Variants in PLEKHA7 observed in about 807,000 individuals in gnomAD.
The protein encoded by PLEKHA7 is pleckstrin homology domain containing A7, also known as pleckstrin homology domain-containing family A member 7.
In PLEKHA7, 104 loss-of-function variants were observed where a neutral mutation model predicts 170.0. The ratio of observed to expected loss-of-function variants is 0.61; its 90% CI spans 0.52 to 0.72. The LOEUF is 0.72. Among genes scored for constraint, PLEKHA7 ranks in the 30% least tolerant of loss-of-function variants. PLEKHA7 has a pLI of 0.00. For synonymous variants in PLEKHA7, 648 were observed against 660.8 expected (o/e 0.98, Z 0.30); for missense variants, 1,615 against 1,671.7 (o/e 0.97, Z 0.59).
intron 3 of PLEKHA7, among the ~76,000 whole-genome samples, chr11:16,878,942 A>G (rs1255091901): frequency 6.6e-6 from 1 of 152,192 alleles, no homozygotes; most frequent in East Asian, 1.9e-4. Flanking sequence ...ACTGTGTTAC[A>G]ATATAATTTG....
chr11:16,943,076 A>C (rs919594679), intron 3 of PLEKHA7, among the ~76,000 whole-genome samples: 1 of 152,238 alleles, frequency 6.6e-6, no homozygotes, highest in South Asian at 2.1e-4. Flanking sequence ...TCCCAAAGCT[A>C]ACCTAACACT....
intron 3 of PLEKHA7, among the ~76,000 whole-genome samples, chr11:16,892,403 A>ATT (rs1333648793): frequency 4.5e-5 from 4 of 88,626 alleles, no homozygotes; most frequent in African/African-American, 1.1e-4. Flanking sequence ...AGGTTGTTTT[A>ATT]TTTTGTGTGT....
rs1287600560 is a variant in PLEKHA7 at position 16,789,117 on chromosome 11, C to A, written c.3336G>T (p.Pro1112=). Residue 1112 remains proline (P), a synonymous_variant, in exon 23 of 27, where the codon CCG becomes CCT. Transcript: ENST00000531066. The surrounding 1 kb of genome is among the most constrained non-coding windows in gnomAD (Gnocchi z 4.6). ...GLPSSRYLSR[P]LPGDLGSWKR... ...ATACTGAGCCAAGATCTCCAGGGAGCGGCCGGCTGAGGTAGCGAGATGAGG... is the reference window on the plus strand; with the variant it reads ...ATACTGAGCCAAGATCTCCAGGGAGAGGCCGGCTGAGGTAGCGAGATGAGG... The A allele has an allele frequency of 6.2e-7, 1 of 1,605,382 alleles. No homozygotes were observed. Among genetic ancestry groups the A allele is most frequent in the Non-Finnish European group, 8.5e-7 (1 of 1,179,964 alleles).
intron 3 of PLEKHA7, among the ~76,000 whole-genome samples, chr11:16,886,975 G>T (rs985508238): frequency 1.3e-5 from 2 of 152,070 alleles, no homozygotes; most frequent in African/African-American, 4.8e-5. Flanking sequence ...CAGTTTTTCT[G>T]ATTCAGATTA....
At chr11:16,866,543 G>C (rs113313473) in intron 4 of PLEKHA7, among the ~76,000 whole-genome samples, 1,907 of 151,992 alleles carry the variant, frequency 0.013, 19 homozygotes, top group Middle Eastern at 0.021. Flanking sequence ...AGTGAGCTGA[G>C]AGTGCACCAT....
At chr11:16,793,144 C>T (rs954255866) in intron 19 of PLEKHA7, among the ~76,000 whole-genome samples, 2 of 152,192 alleles carry the variant, frequency 1.3e-5, no homozygotes, top group Non-Finnish European at 2.9e-5. Flanking sequence ...AGGGAAGGGA[C>T]GGACTTGCCT....
At chr11:16,780,914 C>G (rs1848973641) in intron 26 of PLEKHA7, 2 of 886,594 alleles carry the variant, frequency 2.3e-6, no homozygotes, top group South Asian at 1.0e-4. Flanking sequence ...AGGAAGCAGG[C>G]AGAAGCACAC....
Position 16,936,873 on chromosome 11 carries a change from A to G in PLEKHA7, c.222-65691T>C, listed in dbSNP as rs771966177. Among the ~76,000 whole-genome samples the G allele has an allele frequency of 2.0e-5, 3 of 152,256 alleles. No individual in the cohort carries two copies. The East Asian group carries it at 5.8e-4, about 29-fold the overall frequency. ...GCTGAGCTGCTCTAATTGCCAAGAG[A>G]TAAGAACCCATAACTCACACAGACA... is the stretch of plus-strand genomic sequence containing the variant. On this transcript the variant is annotated intron_variant, in intron 3 of 26. Transcript: ENST00000531066.
At chr11:16,785,692 G>A (rs1232758712) in intron 24 of PLEKHA7, among the ~76,000 whole-genome samples, 1 of 152,126 alleles carries the variant, frequency 6.6e-6, no homozygotes, top group Admixed American at 6.5e-5. Context: ...TGATGCATGT[G>A]AGCCACCAGA....
chr11:16,934,954 A>C (rs7104003), intron 3 of PLEKHA7, among the ~76,000 whole-genome samples: 50,229 of 152,108 alleles, frequency 0.33, 8,814 homozygotes, highest in Non-Finnish European at 0.39. Context: ...TTGCCTAAAC[A>C]ATAATTTCTG....
At chr11:16,862,321 T>A (rs1235154115) in intron 4 of PLEKHA7, among the ~76,000 whole-genome samples, 6 of 152,170 alleles carry the variant, frequency 3.9e-5, no homozygotes. Context: ...ATCGGAGTAT[T>A]GCCCCGAACC....
intron 25 of PLEKHA7, 92 bp from the exon 26 acceptor site, chr11:16,782,988 A>AT (rs1479782848): frequency 2.2e-6 from 3 of 1,345,026 alleles, no homozygotes; most frequent in Non-Finnish European, 3.0e-6. Context: ...GGTTCTCAAC[A>AT]TTTTGAGGGG....
chr11:16,981,704 T>C (rs1344419757), intron 3 of PLEKHA7, among the ~76,000 whole-genome samples: 1 of 151,514 alleles, frequency 6.6e-6, no homozygotes, highest in Non-Finnish European at 1.5e-5. Flanking sequence ...AATGAAGGAA[T>C]GAGGAGGAGT....
intron 3 of PLEKHA7, among the ~76,000 whole-genome samples, chr11:16,979,077 G>A (rs1382871970): frequency 2.0e-5 from 3 of 152,242 alleles, no homozygotes; most frequent in African/African-American, 7.2e-5. Context: ...TTGTTGTGCT[G>A]CCCAGGCTGG....
chr11:17,008,295 C>T (rs1353087171), intron 3 of PLEKHA7, among the ~76,000 whole-genome samples: 1 of 152,220 alleles, frequency 6.6e-6, no homozygotes, highest in Non-Finnish European at 1.5e-5. Flanking sequence ...AAGGGCCCAG[C>T]AGCCAGGGAA....
intron 3 of PLEKHA7, among the ~76,000 whole-genome samples, chr11:16,935,403 C>T (rs1251165249): frequency 6.6e-6 from 1 of 152,184 alleles, no homozygotes; most frequent in Admixed American, 6.5e-5. Context: ...GCCTGGGTGA[C>T]AGAGTGAGAC....
intron 19 of PLEKHA7, among the ~76,000 whole-genome samples, chr11:16,792,961 G>A (rs1387837800): frequency 1.3e-5 from 2 of 152,176 alleles, no homozygotes; most frequent in Non-Finnish European, 2.9e-5. Context: ...AAACAAGTAA[G>A]TAATAAAACA....
chr11:16,786,438 A>AGCCC, intron 23 of PLEKHA7, 51 bp from the exon 24 acceptor site: 1 of 1,532,536 alleles, frequency 6.5e-7, no homozygotes, highest in East Asian at 2.4e-5. Flanking sequence ...TTGCTGAAAG[A>AGCCC]GCCCGGCTGG....
chr11:16,960,762 C>G (rs536547576), intron 3 of PLEKHA7, among the ~76,000 whole-genome samples: 1 of 152,294 alleles, frequency 6.6e-6, no homozygotes, highest in African/African-American at 2.4e-5. Context: ...GTAACAGCTA[C>G]ACCCCATGGC....
Sources: gnomAD v4.1 joint callset for allele counts (sites outside exome capture counted in the v4.1 genomes callset) on GRCh38, gnomAD v4.1.1 for gene constraint, Gnocchi (gnomAD v3.1) non-coding constraint, MANE v1.5 for transcripts, NCBI Gene and HGNC (gene_info 2026-07-23, HGNC 2026-07-21) for gene names.